Variants in PDE4B observed in about 807,000 individuals in gnomAD.
The protein encoded by PDE4B is 3',5'-cyclic-AMP phosphodiesterase 4B.
Under a neutral mutation model 82.2 loss-of-function variants are expected in PDE4B, and 20 were observed. The ratio of observed to expected loss-of-function variants is 0.24; its 90% CI spans 0.17 to 0.35. The LOEUF (loss-of-function observed/expected upper bound fraction) is 0.35, where lower values mean the gene tolerates loss of function less well. Among genes scored for constraint, PDE4B ranks in the 10% least tolerant of loss-of-function variants. PDE4B has a pLI of 1.00. For missense variants in PDE4B, 655 were observed against 907.2 expected, an observed-to-expected ratio of 0.72 and a Z score of 3.57; for synonymous variants, 320 against 318.9, an observed-to-expected ratio of 1.00 and a Z score of -0.04.
intron 7 of PDE4B, among the ~76,000 whole-genome samples, chr1:66,301,561 C>T (rs1366238651): frequency 2.1e-5 from 3 of 145,448 alleles, no homozygotes; most frequent in Admixed American, 6.9e-5. Flanking sequence ...TAGGACAATG[C>T]TTTTTTTTTT....
intron 7 of PDE4B, 44 bp downstream of exon 7, chr1:66,266,131 TA>T: frequency 7.3e-7 from 1 of 1,361,520 alleles, no homozygotes; most frequent in Non-Finnish European, 1.1e-6. Flanking sequence ...CAAGATAGAA[TA>T]ATAAACATGC....
chr1:66,073,598 C>T (rs1272585299), intron 3 of PDE4B, among the ~76,000 whole-genome samples: 3 of 152,052 alleles, frequency 2.0e-5, no homozygotes, highest in Non-Finnish European at 4.4e-5. Context: ...AACTGTGTCT[C>T]CCCCTTGTGC....
intron 3 of PDE4B, among the ~76,000 whole-genome samples, chr1:66,197,719 A>G (rs892476445): frequency 3.3e-5 from 5 of 152,150 alleles, no homozygotes; most frequent in Non-Finnish European, 1.5e-5. Flanking sequence ...GAAAATAAAT[A>G]AACTTATTTA....
chr1:66,361,072 C>T (rs917556836), intron 9 of PDE4B, among the ~76,000 whole-genome samples: 2 of 152,130 alleles, frequency 1.3e-5, no homozygotes, highest in Non-Finnish European at 2.9e-5. Flanking sequence ...ATATTTCTAA[C>T]ATATATACTG....
At chr1:66,268,397 T>C (rs1365700959) in intron 7 of PDE4B, among the ~76,000 whole-genome samples, 1 of 151,944 alleles carries the variant, frequency 6.6e-6, no homozygotes, top group Non-Finnish European at 1.5e-5. Context: ...CGGCCAGGCA[T>C]GGTGGCTCAT....
intron 3 of PDE4B, among the ~76,000 whole-genome samples, chr1:66,013,428 G>T (rs1010269896): frequency 6.6e-6 from 1 of 152,034 alleles, no homozygotes; most frequent in African/African-American, 2.4e-5. Flanking sequence ...AAATCTGGAA[G>T]AACTATCTTC....
chr1:65,946,746 C>T (rs773059024), intron 3 of PDE4B, among the ~76,000 whole-genome samples: 1 of 151,954 alleles, frequency 6.6e-6, no homozygotes, highest in African/African-American at 2.4e-5. Context: ...AAGCAAGAGT[C>T]CTGGACCTTA....
chr1:66,042,682 A>C (rs1570067059), intron 3 of PDE4B: 1 of 151,808 alleles, frequency 6.6e-6, no homozygotes, highest in East Asian at 1.9e-4. Context: ...TGTTGAGTCA[A>C]GCAGTCTGGA....
chr1:66,231,997 G>A, intron 3 of PDE4B, among the ~76,000 whole-genome samples: 1 of 152,180 alleles, frequency 6.6e-6, no homozygotes, highest in Non-Finnish European at 1.5e-5. Context: ...GAATGAAATT[G>A]GGGACTGTCC....
intron 3 of PDE4B, among the ~76,000 whole-genome samples, chr1:65,983,623 GA>G (rs563509700): frequency 1.7e-3 from 263 of 152,272 alleles, no homozygotes; most frequent in African/African-American, 6.1e-3. Context: ...GAGGCATAGG[GA>G]GAAGGCAGCC....
chr1:66,344,775 G>C (rs1444192520), intron 8 of PDE4B, among the ~76,000 whole-genome samples: 1 of 152,138 alleles, frequency 6.6e-6, no homozygotes. Context: ...TCCAATCACT[G>C]CTTTTCAAAT....
intron 3 of PDE4B, among the ~76,000 whole-genome samples, chr1:66,210,336 G>A (rs780409500): frequency 2.0e-5 from 3 of 152,014 alleles, no homozygotes; most frequent in Non-Finnish European, 4.4e-5. Flanking sequence ...AGTGGCTCAC[G>A]CCTGTAATCC....
In PDE4B at chr1:66,372,772, AG is replaced by A; in HGVS notation, c.*96del. On this transcript the variant is annotated 3_prime_UTR_variant, in exon 17 of 17. Coordinates refer to ENST00000341517, the MANE Select transcript of PDE4B (RefSeq NM_002600.4). ...CCACCATGGGGGCCAAGACCTGCAC[AG>A]GACAAGGGCCACCTGGCCTTTCAGT... The A allele has an allele frequency of 7.7e-7, 1 of 1,301,336 alleles. No individual in the cohort carries two copies. Among genetic ancestry groups the A allele is most frequent in the Non-Finnish European group, 1.1e-6 (1 of 943,858 alleles). 80.6% of individuals were successfully genotyped at this position (1,301,336 alleles called of 1,614,324 possible). A position where few individuals can be genotyped will look rare whatever the true frequency, so the allele number is the denominator to read the frequency against.
chr1:65,880,264 G>T (rs1452909565), intron 1 of PDE4B, among the ~76,000 whole-genome samples: 1 of 152,184 alleles, frequency 6.6e-6, no homozygotes, highest in African/African-American at 2.4e-5. Context: ...TTAGACAAGG[G>T]TGATTCATAC....
At chr1:65,875,924 A>G (rs1385725082) in intron 1 of PDE4B, among the ~76,000 whole-genome samples, 2 of 151,982 alleles carry the variant, frequency 1.3e-5, no homozygotes, top group Non-Finnish European at 2.9e-5. Flanking sequence ...CACAATGTGC[A>G]CATGTACCCT....
chr1:65,927,800 A>G (rs1647591614), intron 3 of PDE4B, among the ~76,000 whole-genome samples: 1 of 152,088 alleles, frequency 6.6e-6, no homozygotes, highest in African/African-American at 2.4e-5. Flanking sequence ...TTCTCACCGT[A>G]ACAGCCCTCA....
chr1:66,084,897 G>C (rs1396086518), intron 3 of PDE4B, among the ~76,000 whole-genome samples: 3 of 152,152 alleles, frequency 2.0e-5, no homozygotes, highest in African/African-American at 7.2e-5. Context: ...TGGAAACAGA[G>C]GTACTGATCA....
At chr1:66,285,789 G>A (rs1315733676) in intron 7 of PDE4B, among the ~76,000 whole-genome samples, 1 of 152,074 alleles carries the variant, frequency 6.6e-6, no homozygotes, top group Non-Finnish European at 1.5e-5. Context: ...GAAAAGAGCT[G>A]TACAATGCTG....
intron 3 of PDE4B, among the ~76,000 whole-genome samples, chr1:66,082,603 T>C (rs918184375): frequency 1.3e-5 from 2 of 151,294 alleles, no homozygotes; most frequent in African/African-American, 2.4e-5. Flanking sequence ...GAGATAGTAC[T>C]AGTATCTACT....
Sources: allele counts gnomAD v4.1 joint callset (sites outside exome capture counted in the v4.1 genomes callset), GRCh38; gene constraint gnomAD v4.1.1; transcripts MANE v1.5; gene names NCBI Gene and HGNC (gene_info 2026-07-23, HGNC 2026-07-21).